Variants in SCARA3 observed in about 807,000 individuals in gnomAD.
SCARA3 encodes the protein cellular stress response gene protein.
SCARA3 carries 39 observed loss-of-function variants against 47.0 expected under a neutral mutation model. The ratio of observed to expected loss-of-function variants is 0.83; its 90% confidence interval spans 0.64 to 1.08. SCARA3 has a LOEUF of 1.08. Among genes scored for constraint, SCARA3 ranks in the 50% least tolerant of loss-of-function variants. The probability of loss-of-function intolerance (pLI) is 0.00; values close to 1 mark genes in which losing one functional copy is unlikely to be tolerated. For synonymous variants in SCARA3, 356 were observed against 334.1 expected (o/e 1.07, Z -0.71); for missense variants, 724 against 792.3 (o/e 0.91, Z 1.04).
chr8:27,678,575 T>C (rs1427078870), downstream of SCARA3, among the ~76,000 whole-genome samples: 8 of 152,150 alleles, frequency 5.3e-5, no homozygotes, highest in African/African-American at 1.9e-4. Context: ...CACACCCAAA[T>C]AGGCTCACTG....
At chr8:27,639,340 G>A (rs148322208) in intron 1 of SCARA3, among the ~76,000 whole-genome samples, 239 of 152,246 alleles carry the variant, frequency 1.6e-3, no homozygotes, top group African/African-American at 5.6e-3. Context: ...ACAAATGCAC[G>A]GCATATACGG....
At chr8:27,660,011 T>G (rs1003124617) in intron 5 of SCARA3, among the ~76,000 whole-genome samples, 1 of 152,070 alleles carries the variant, frequency 6.6e-6, no homozygotes. Context: ...CAAGTCCTAA[T>G]AGAGAAATAA....
In SCARA3 at chr8:27,660,554, G is replaced by T. The variant is rs529968378; in HGVS notation, c.1369+1015G>T. On this transcript the variant is annotated intron_variant, in intron 5 of 5. Coordinates refer to ENST00000301904, the MANE Select transcript of SCARA3 (RefSeq NM_016240.3). The stretch of plus-strand genomic sequence containing the variant: ...GATGAGATAGATAGATAGATAGATA[G>T]ATAGATAATAGATAGATAGATGATA... 1.0e-3 allele frequency among the ~76,000 whole-genome samples: 155 copies of T among 151,068 alleles called. 1 individual carries two copies. Among genetic ancestry groups the T allele is most frequent in the African/African-American group, 3.4e-3 (140 of 41,014 alleles).
intron 1 of SCARA3, among the ~76,000 whole-genome samples, chr8:27,649,363 G>A (rs1366890028): frequency 3.3e-5 from 5 of 152,226 alleles, no homozygotes; most frequent in African/African-American, 1.2e-4. Context: ...ATAGAAGGAC[G>A]CTAAGCCAGA....
chr8:27,683,395 C>T, the SCARA3 span, among the ~76,000 whole-genome samples: 1 of 152,036 alleles, frequency 6.6e-6, no homozygotes, highest in Admixed American at 6.5e-5. Flanking sequence ...TCAAGACTTG[C>T]CAAATTATGC....
chr8:27,704,916 C>A, the SCARA3 span, among the ~76,000 whole-genome samples: 1 of 152,148 alleles, frequency 6.6e-6, no homozygotes, highest in Non-Finnish European at 1.5e-5. Context: ...GGTAATCCAA[C>A]CATCCTTGGT....
chr8:27,671,348 C>T lies in SCARA3; in HGVS notation c.1818C>T (p.Tyr606=). 2 of 1,416,050 alleles carry T rather than the reference C, an allele frequency of 1.4e-6. No homozygotes were observed. Among genetic ancestry groups the T allele is most frequent in the Non-Finnish European group, 9.2e-7 (1 of 1,087,390 alleles). 87.7% of individuals were successfully genotyped at this position (1,416,050 alleles called of 1,614,324 possible). Residue 606 remains tyrosine, a synonymous_variant, in exon 6 of 6, where the codon TAC becomes TAT. Transcript: ENST00000301904. ...GTCCACCAGGAAGCCAGAGCTTCTA[C>T]TGAGGAGGGCTGTGGCAGAGCCACT... The part of the protein sequence containing the change: ...PPGPPGSQSF[Y]
the SCARA3 span, among the ~76,000 whole-genome samples, chr8:27,694,157 G>A: frequency 6.6e-6 from 1 of 152,188 alleles, no homozygotes; most frequent in African/African-American, 2.4e-5. Flanking sequence ...TGGACATGTT[G>A]CCTTTGCCTC....
the SCARA3 span, among the ~76,000 whole-genome samples, chr8:27,696,477 A>T: frequency 4.6e-5 from 7 of 151,794 alleles, no homozygotes; most frequent in African/African-American, 1.4e-4. Flanking sequence ...TTTTTTGGAG[A>T]CAGAGTCTCA....
intron 3 of SCARA3, among the ~76,000 whole-genome samples, chr8:27,655,257 C>T (rs1442186848): frequency 6.6e-6 from 1 of 151,926 alleles, no homozygotes; most frequent in Non-Finnish European, 1.5e-5. Flanking sequence ...CCAAAGTCAC[C>T]CAACAAATGT....
the SCARA3 span, among the ~76,000 whole-genome samples, chr8:27,730,775 T>TC: frequency 6.6e-6 from 1 of 151,688 alleles, no homozygotes; most frequent in African/African-American, 2.4e-5. Context: ...CAGGCATGAG[T>TC]CCACTGCCCC....
chr8:27,645,314 G>A (rs925622446), intron 1 of SCARA3, among the ~76,000 whole-genome samples: 1 of 152,348 alleles, frequency 6.6e-6, no homozygotes, highest in African/African-American at 2.4e-5. Context: ...GGCCTTCGCC[G>A]AGGGCCAGAA....
chr8:27,672,448 C>T lies in SCARA3; in HGVS notation c.*1097C>T, dbSNP rs1449693664. On this transcript the variant is annotated 3_prime_UTR_variant, in exon 6 of 6. Coordinates refer to ENST00000301904, the MANE Select transcript of SCARA3 (RefSeq NM_016240.3). The stretch of plus-strand genomic sequence containing the variant: ...GCCTGCCCCATTCCCCAAGGGGGCT[C>T]CTCTGGAGTGGTGGGGAGGATTAGG... The T allele has an allele frequency of 1.0e-6, 1 of 985,496 alleles. No individual in the cohort carries two copies. Among genetic ancestry groups the T allele is most frequent in the African/African-American group, 1.7e-5 (1 of 57,256 alleles). 61.0% of individuals were successfully genotyped at this position (985,496 alleles called of 1,614,324 possible).
At chr8:27,676,972 C>T (rs1029883960), downstream of SCARA3, among the ~76,000 whole-genome samples, 11 of 152,254 alleles carry the variant, frequency 7.2e-5, no homozygotes, top group East Asian at 7.7e-4. Context: ...AACTCCCAGA[C>T]GAGGATGTTC....
At chr8:27,654,850 G>A (rs1051412605) in intron 3 of SCARA3, among the ~76,000 whole-genome samples, 1 of 152,114 alleles carries the variant, frequency 6.6e-6, no homozygotes, top group African/African-American at 2.4e-5. Context: ...TGAATTATAT[G>A]GAGTGGAGTG....
At chr8:27,673,958 G>A (rs1004918996), downstream of SCARA3, among the ~76,000 whole-genome samples, 2 of 152,176 alleles carry the variant, frequency 1.3e-5, no homozygotes, top group Non-Finnish European at 2.9e-5. Flanking sequence ...TGAGGGGTTT[G>A]CTGCACATCT....
chr8:27,658,983 G>A lies in SCARA3; in HGVS notation c.813G>A (p.Lys271=). The change falls in exon 5 of 6, where the codon AAG becomes AAA. Residue 271 remains lysine, a synonymous_variant. Coordinates refer to ENST00000301904, the MANE Select transcript of SCARA3 (RefSeq NM_016240.3). ...LFSGLRTTST[K]TGEAVKNIQA... ...GCGGCCTGCGCACCACCTCCACCAA[G>A]ACTGGAGAGGCGGTCAAGAACATCC... is the stretch of plus-strand genomic sequence containing the variant. 1 of 1,614,112 alleles carries A rather than the reference G, an allele frequency of 6.2e-7. No individual in the cohort carries two copies. The highest frequency in any genetic ancestry group is 8.5e-7 in the Non-Finnish European group (1 of 1,180,014).
chr8:27,718,899 A>G, the SCARA3 span, among the ~76,000 whole-genome samples: 7 of 152,222 alleles, frequency 4.6e-5, no homozygotes, highest in Admixed American at 3.9e-4. Flanking sequence ...TGAAAAAACA[A>G]TGATCACTTT....
At chr8:27,727,925 A>C in the SCARA3 span, among the ~76,000 whole-genome samples, 2 of 152,196 alleles carry the variant, frequency 1.3e-5, no homozygotes, top group Admixed American at 1.3e-4. Flanking sequence ...GGGCCCAGGA[A>C]GGGAGAGCTC....
Sources: gnomAD v4.1 joint callset for allele counts (sites outside exome capture counted in the v4.1 genomes callset) on GRCh38, gnomAD v4.1.1 for gene constraint, MANE v1.5 for transcripts, NCBI Gene and HGNC (gene_info 2026-07-23, HGNC 2026-07-21) for gene names.